CDH18: variants seen among roughly 807,000 people sequenced by gnomAD.
The protein encoded by CDH18 is cadherin-18.
A neutral mutation model predicts 67.9 loss-of-function variants in CDH18; 31 were observed. The observed-to-expected ratio is 0.46, with a 90% confidence interval of 0.34 to 0.62. The LOEUF is 0.62. Among genes scored for constraint, CDH18 ranks in the 20% least tolerant of loss-of-function variants. CDH18 has a pLI of 0.01. For synonymous variants in CDH18, 362 were observed against 347.2 expected (o/e 1.04, Z -0.48); for missense variants, 890 against 975.5 (o/e 0.91, Z 1.17).
rs1052724516 is a variant in CDH18, at chr5:19,472,055, T to G, written c.*1171A>C. On this transcript the variant is annotated 3_prime_UTR_variant, in exon 13 of 13. Coordinates refer to ENST00000382275, the MANE Select transcript of CDH18 (RefSeq NM_004934.5). ...TATCTGAGGATAATAACTGTGAATC[T>G]CCTTTTTTGCTCCTAGTCCTACACA... 2.6e-5 allele frequency among the ~76,000 whole-genome samples: 4 copies of G among 152,108 alleles called. No homozygotes were observed. In the East Asian group the frequency reaches 7.7e-4, roughly 29 times the overall value.
chr5:19,575,476 A>G (rs901423721), intron 7 of CDH18, among the ~76,000 whole-genome samples: 1 of 152,210 alleles, frequency 6.6e-6, no homozygotes, highest in Non-Finnish European at 1.5e-5. Context: ...GACATATACA[A>G]AAGATCATTT....
intron 2 of CDH18, among the ~76,000 whole-genome samples, chr5:19,966,423 C>T (rs1455217906): frequency 5.3e-5 from 8 of 152,044 alleles, no homozygotes; most frequent in African/African-American, 1.7e-4. Context: ...AGGTTTATCA[C>T]ATTCAATGTT....
At chr5:20,343,788 T>C (rs1446152220) in intron 1 of CDH18, among the ~76,000 whole-genome samples, 1 of 152,142 alleles carries the variant, frequency 6.6e-6, no homozygotes, top group Admixed American at 6.5e-5. Context: ...AGAGAGACAC[T>C]TCCTTACATC....
chr5:19,702,127 G>A (rs897311923), intron 5 of CDH18, among the ~76,000 whole-genome samples: 7 of 143,420 alleles, frequency 4.9e-5, no homozygotes, highest in Non-Finnish European at 1.1e-4. Context: ...CTTCTGCAGT[G>A]TTCTTTCTTT....
chr5:19,987,253 A>AACACACACACAC lies in CDH18; in HGVS notation c.-376+821_-376+832dup, dbSNP rs10654722. ...TGCCTAGAGCCACATCTGTACAGACAACACACACACACACACACACACACA... is the reference window on the plus strand; with the variant it reads ...TGCCTAGAGCCACATCTGTACAGACAACACACACACACACACACACACACACACACACACACA... On this transcript the variant is annotated intron_variant, in intron 1 of 12. Coordinates refer to ENST00000382275, the MANE Select transcript of CDH18 (RefSeq NM_004934.5). Among the ~76,000 whole-genome samples the AACACACACACAC allele has an allele frequency of 2.2e-3, 322 of 144,436 alleles. 2 individuals carry two copies. Among genetic ancestry groups the AACACACACACAC allele is most frequent in the African/African-American group, 7.9e-3 (313 of 39,426 alleles). The allele number at this position is 144,436 out of a possible 152,430, so 94.8% of individuals were successfully genotyped here.
At chr5:19,842,219 C>G (rs879775601) in intron 2 of CDH18, among the ~76,000 whole-genome samples, 1 of 152,190 alleles carries the variant, frequency 6.6e-6, no homozygotes, top group Admixed American at 6.5e-5. Context: ...CGAGCCCTGA[C>G]TTTCACCACT....
chr5:20,303,138 C>T (rs577871898), intron 1 of CDH18, among the ~76,000 whole-genome samples: 149 of 152,254 alleles, frequency 9.8e-4, no homozygotes, highest in African/African-American at 3.5e-3. Context: ...TCAAAGCTCC[C>T]AGGCACGTCA....
intron 9 of CDH18, among the ~76,000 whole-genome samples, chr5:19,524,338 T>C (rs1015899706): frequency 6.7e-6 from 1 of 149,796 alleles, no homozygotes; most frequent in Middle Eastern, 4.0e-3. Flanking sequence ...TAAATGAATA[T>C]ATACATTAAA....
chr5:19,612,911 C>T (rs1285331572), intron 5 of CDH18, among the ~76,000 whole-genome samples: 1 of 151,664 alleles, frequency 6.6e-6, no homozygotes, highest in Non-Finnish European at 1.5e-5. Flanking sequence ...GAGGCCAAGG[C>T]GGGTGGATCA....
chr5:20,527,280 G>A (rs1320327487), intron 1 of CDH18, among the ~76,000 whole-genome samples: 1 of 152,018 alleles, frequency 6.6e-6, no homozygotes, highest in East Asian at 1.9e-4. Flanking sequence ...CTGAATCTGT[G>A]ATGGATTGGA....
intron 1 of CDH18, among the ~76,000 whole-genome samples, chr5:20,567,990 T>C (rs948706223): frequency 6.6e-6 from 1 of 152,218 alleles, no homozygotes; most frequent in African/African-American, 2.4e-5. Context: ...ACTGTGAATT[T>C]AGAAGCACTG....
intron 2 of CDH18, among the ~76,000 whole-genome samples, chr5:20,158,068 G>T (rs1352595309): frequency 6.6e-6 from 1 of 152,094 alleles, no homozygotes; most frequent in Non-Finnish European, 1.5e-5. Context: ...GTCTTTTTGT[G>T]AATTGGAGTA....
chr5:20,378,206 C>T (rs1228659824), intron 1 of CDH18, among the ~76,000 whole-genome samples: 5 of 152,094 alleles, frequency 3.3e-5, no homozygotes, highest in Non-Finnish European at 1.5e-5. Context: ...CAGAGTCTCC[C>T]GCTGTCGTCC....
At chr5:19,647,629 G>C (rs1385889575) in intron 5 of CDH18, among the ~76,000 whole-genome samples, 1 of 144,204 alleles carries the variant, frequency 6.9e-6, no homozygotes, top group Non-Finnish European at 1.5e-5. Context: ...TTTAAAAGCA[G>C]TAATGTCATC....
At chr5:19,739,478 A>G in intron 4 of CDH18, among the ~76,000 whole-genome samples, 1 of 152,194 alleles carries the variant, frequency 6.6e-6, no homozygotes, top group South Asian at 2.1e-4. Context: ...TCGAGCTCCT[A>G]GATGACTACA....
chr5:20,300,295 T>TGTGC (rs1747863557), intron 1 of CDH18, among the ~76,000 whole-genome samples: 1 of 49,544 alleles, frequency 2.0e-5, no homozygotes, highest in Non-Finnish European at 5.2e-5. Context: ...GATTAAGTTG[T>TGTGC]GTGTGTGCGT....
At chr5:20,452,811 G>A in intron 1 of CDH18, among the ~76,000 whole-genome samples, 1 of 150,744 alleles carries the variant, frequency 6.6e-6, no homozygotes, top group East Asian at 1.9e-4. Flanking sequence ...TAACTTATGA[G>A]TGAGAATTAA....
At chr5:20,011,904 TG>T (rs1430760663) in intron 2 of CDH18, among the ~76,000 whole-genome samples, 1 of 152,136 alleles carries the variant, frequency 6.6e-6, no homozygotes, top group Non-Finnish European at 1.5e-5. Context: ...TTTTCTTTTC[TG>T]TGTTGTATTT....
At chr5:19,906,816 T>C (rs1790588572) in intron 2 of CDH18, among the ~76,000 whole-genome samples, 1 of 151,974 alleles carries the variant, frequency 6.6e-6, no homozygotes, top group Non-Finnish European at 1.5e-5. Context: ...TAATAATAAA[T>C]AAATAAAATC....
Sources: allele counts gnomAD v4.1 joint callset (sites outside exome capture counted in the v4.1 genomes callset), GRCh38; gene constraint gnomAD v4.1.1; transcripts MANE v1.5; gene names NCBI Gene and HGNC (gene_info 2026-07-23, HGNC 2026-07-21).